RXRA: variants seen among roughly 807,000 people sequenced by gnomAD.
RXRA encodes retinoid X receptor alpha, also known as retinoic acid receptor RXR-alpha.
RXRA carries 5 observed loss-of-function variants against 44.5 expected under a neutral mutation model. The observed-to-expected ratio is 0.11, with a 90% CI of 0.06 to 0.24. The LOEUF (loss-of-function observed/expected upper bound fraction) is 0.24, where lower values mean the gene tolerates loss of function less well. RXRA is among the 10% of genes least tolerant of loss of function. The probability of loss-of-function intolerance (pLI) is 1.00; values close to 1 mark genes in which losing one functional copy is unlikely to be tolerated. For missense variants in RXRA, 412 were observed against 646.5 expected (o/e 0.64, Z 3.93); for synonymous variants, 291 against 271.4 (o/e 1.07, Z -0.71).
chr9:134,337,157 A>AG (rs1395763457), intron 1 of RXRA, among the ~76,000 whole-genome samples: 2 of 152,112 alleles, frequency 1.3e-5, no homozygotes, highest in African/African-American at 4.8e-5. Flanking sequence ...CGAGAGAGGG[A>AG]GGGGTGCTCA....
At chr9:134,436,365 G>A in intron 9 of RXRA, 102 bp from the exon 10 acceptor site, 2 of 1,179,674 alleles carry the variant, frequency 1.7e-6, no homozygotes, top group Non-Finnish European at 1.2e-6. Flanking sequence ...CCTCAGAGGG[G>A]TTGGGGTATC....
At chr9:134,370,694 C>CT (rs1830480562) in intron 1 of RXRA, among the ~76,000 whole-genome samples, 1 of 151,514 alleles carries the variant, frequency 6.6e-6, no homozygotes, top group Non-Finnish European at 1.5e-5. Context: ...CCCTGGGCTG[C>CT]AGACTGGGGC....
chr9:134,382,346 A>T (rs1830659728), intron 1 of RXRA, among the ~76,000 whole-genome samples: 1 of 151,806 alleles, frequency 6.6e-6, no homozygotes, highest in Non-Finnish European at 1.5e-5. Context: ...TCAGGCCTTT[A>T]GCACCTTGGC....
intron 5 of RXRA, among the ~76,000 whole-genome samples, chr9:134,419,582 G>A (rs190298582): frequency 4.6e-5 from 7 of 152,336 alleles, no homozygotes; most frequent in East Asian, 1.9e-4. Flanking sequence ...CCTGCCCAGC[G>A]TCACGGTCCT....
chr9:134,328,897 G>A (rs754299953), intron 1 of RXRA, among the ~76,000 whole-genome samples: 1 of 152,196 alleles, frequency 6.6e-6, no homozygotes, highest in Non-Finnish European at 1.5e-5. Context: ...GGTGTCCACC[G>A]AGCCGCTCAG....
chr9:134,365,735 G>A lies in RXRA; in HGVS notation c.29-35897G>A, dbSNP rs893167384. Among the ~76,000 whole-genome samples the A allele has an allele frequency of 2.0e-5, 3 of 152,014 alleles. No homozygotes were observed. The highest frequency in any genetic ancestry group is 2.9e-5 in the Non-Finnish European group (2 of 67,976). On this transcript the variant is annotated intron_variant, in intron 1 of 9. Transcript: ENST00000481739. This position sits in a 1 kb window ranked among gnomAD's most constrained non-coding sequence, Gnocchi z 4.0. Reference sequence around the variant, plus strand: ...GCCCTGAGGGGCCCGGCAGAGTCTCGGTGGGTCTCGGTGGGGCCAGCTGTC... The same window carrying A: ...GCCCTGAGGGGCCCGGCAGAGTCTCAGTGGGTCTCGGTGGGGCCAGCTGTC...
chr9:134,411,624 A>ACTG (rs541365979), intron 4 of RXRA, among the ~76,000 whole-genome samples: 188 of 152,302 alleles, frequency 1.2e-3, no homozygotes, highest in African/African-American at 4.3e-3. Flanking sequence ...CGTGAGAGAA[A>ACTG]CTGCTGCTGC....
In RXRA at chr9:134,342,574, C is replaced by G. The variant is rs1469529888; in HGVS notation, c.28+15915C>G. On this transcript the variant is annotated intron_variant, in intron 1 of 9. Transcript: ENST00000481739. This position sits in a 1 kb window ranked among gnomAD's most constrained non-coding sequence, Gnocchi z 4.4. Reference sequence around the variant, plus strand: ...TGGGTTGGTGCAGGCAGAGTGGTAACAGCAAGCTGTGGGCAAGGGACTGCT... The same window carrying G: ...TGGGTTGGTGCAGGCAGAGTGGTAAGAGCAAGCTGTGGGCAAGGGACTGCT... Among the ~76,000 whole-genome samples, 1 of 152,178 alleles carries G rather than the reference C, an allele frequency of 6.6e-6. No homozygotes were observed. Among genetic ancestry groups the G allele is most frequent in the Non-Finnish European group, 1.5e-5 (1 of 68,026 alleles).
intron 1 of RXRA, among the ~76,000 whole-genome samples, chr9:134,394,282 C>T (rs925044887): frequency 1.3e-4 from 8 of 63,104 alleles, no homozygotes; most frequent in Non-Finnish European, 2.4e-4. Flanking sequence ...ATGGCAGTGA[C>T]AGTGCAGATG....
rs1237782634 is a variant in RXRA, at chr9:134,365,489, C to G, written c.29-36143C>G. Among the ~76,000 whole-genome samples the G allele has an allele frequency of 6.6e-6, 1 of 152,114 alleles. No individual in the cohort carries two copies. The highest frequency in any genetic ancestry group is 1.5e-5 in the Non-Finnish European group (1 of 68,018). ...GGGTTTGCTCATGGGGTGGACCAGGCCGCTGCCCCTGCCTCCTGTCTCTGG... is the reference window on the plus strand; with the variant it reads ...GGGTTTGCTCATGGGGTGGACCAGGGCGCTGCCCCTGCCTCCTGTCTCTGG... On this transcript the variant is annotated intron_variant, in intron 1 of 9. Coordinates refer to ENST00000481739, the MANE Select transcript of RXRA (RefSeq NM_002957.6). The surrounding 1 kb of genome is among the most constrained non-coding windows in gnomAD (Gnocchi z 4.0).
At chr9:134,346,239 C>T (rs1001535718) in intron 1 of RXRA, among the ~76,000 whole-genome samples, 2 of 152,170 alleles carry the variant, frequency 1.3e-5, no homozygotes, top group East Asian at 1.9e-4. Context: ...CGGGACCTGG[C>T]GTTCATCCTT....
intron 1 of RXRA, 34 bp downstream of exon 1, chr9:134,326,693 C>G: frequency 5.1e-6 from 3 of 592,112 alleles, no homozygotes; most frequent in Non-Finnish European, 6.3e-6. Context: ...GGGACGGGGC[C>G]GGGGGCCGGG....
chr9:134,419,854 C>T (rs549940806), intron 5 of RXRA, among the ~76,000 whole-genome samples: 14 of 152,312 alleles, frequency 9.2e-5, no homozygotes, highest in African/African-American at 2.9e-4. Flanking sequence ...TCACACCTGC[C>T]GGGAGTGTGC....
chr9:134,342,412 G>T lies in RXRA; in HGVS notation c.28+15753G>T, dbSNP rs1830096555. ...CAAGGCCACACAGCTTGTGGGCATG[G>T]AGGGGCCGATCCTTGCCCTTTCCCT... On this transcript the variant is annotated intron_variant, in intron 1 of 9. Transcript: ENST00000481739. The surrounding 1 kb of genome is among the most constrained non-coding windows in gnomAD (Gnocchi z 4.4). Among the ~76,000 whole-genome samples the T allele has an allele frequency of 6.6e-6, 1 of 152,218 alleles. No individual in the cohort carries two copies. Among genetic ancestry groups the T allele is most frequent in the Non-Finnish European group, 1.5e-5 (1 of 68,036 alleles).
chr9:134,422,493 T>A (rs1250676218), intron 6 of RXRA: 1 of 1,112,940 alleles, frequency 9.0e-7, no homozygotes, highest in Non-Finnish European at 1.1e-6. Context: ...CACTCCCCCC[T>A]CCCAGGACAC....
rs550209396 is a variant in RXRA at position 134,397,864 on chromosome 9, G to C, written c.29-3768G>C. Among the ~76,000 whole-genome samples the C allele has an allele frequency of 9.2e-5, 14 of 152,356 alleles. No individual in the cohort carries two copies. The East Asian group carries it at 2.7e-3, about 29-fold the overall frequency. ...TGTGTGTCTGCTGGCTCCCGGGTTGGGTCTGAGTGTCTGAGGCTGTCCCTG... is the reference window on the plus strand; with the variant it reads ...TGTGTGTCTGCTGGCTCCCGGGTTGCGTCTGAGTGTCTGAGGCTGTCCCTG... On this transcript the variant is annotated intron_variant, in intron 1 of 9. Transcript: ENST00000481739.
intron 1 of RXRA, among the ~76,000 whole-genome samples, chr9:134,347,136 G>A (rs1830162795): frequency 6.6e-6 from 1 of 151,910 alleles, no homozygotes; most frequent in Non-Finnish European, 1.5e-5. Flanking sequence ...GTGGGATGGA[G>A]GCCTTGCCAT....
At chr9:134,371,276 C>A (rs1311743106) in intron 1 of RXRA, among the ~76,000 whole-genome samples, 2 of 152,182 alleles carry the variant, frequency 1.3e-5, no homozygotes, top group Admixed American at 1.3e-4. Flanking sequence ...TTGACCCCCC[C>A]AGGCCTCTGT....
Position 134,434,125 on chromosome 9 carries a change from G to A in RXRA, c.1159G>A (p.Ala387Thr), listed in dbSNP as rs755663805. 3 of 1,613,808 alleles carry A rather than the reference G, an allele frequency of 1.9e-6. No individual in the cohort carries two copies. Among genetic ancestry groups the A allele is most frequent in the Non-Finnish European group, 2.5e-6 (3 of 1,179,920 alleles). Residue 387 changes from alanine to threonine, a missense_variant, in exon 9 of 10, where the codon GCC (alanine) becomes ACC (threonine). Transcript: ENST00000481739. ...AGACTCCAAGGGGCTCTCGAACCCGGCCGAGGTGGAGGCGCTGAGGGAGAA... is the reference window on the plus strand; with the variant it reads ...AGACTCCAAGGGGCTCTCGAACCCGACCGAGGTGGAGGCGCTGAGGGAGAA... ...NPDSKGLSNP[A>T]EVEALREKVY... is the part of the protein sequence containing the mutation.
Sources: gnomAD v4.1 joint callset for allele counts (sites outside exome capture counted in the v4.1 genomes callset) on GRCh38, gnomAD v4.1.1 for gene constraint, Gnocchi (gnomAD v3.1) non-coding constraint, MANE v1.5 for transcripts, NCBI Gene and HGNC (gene_info 2026-07-23, HGNC 2026-07-21) for gene names.